The following RAB11FIP3 variants were observed in gnomAD, a reference collection of about 807,000 sequenced individuals.
RAB11FIP3 encodes RAB11 family interacting protein 3.
In RAB11FIP3, 17 loss-of-function variants were observed where a neutral mutation model predicts 77.8. The ratio of observed to expected loss-of-function variants is 0.22; its 90% CI spans 0.15 to 0.33. RAB11FIP3 has a LOEUF of 0.33. RAB11FIP3 is among the 10% of genes least tolerant of loss of function. The pLI is 1.00. For missense variants in RAB11FIP3, 1,005 were observed against 1,011.2 expected (o/e 0.99, Z 0.08); for synonymous variants, 437 against 448.2 (o/e 0.98, Z 0.31).
At position 507,635 on chromosome 16, in the gene RAB11FIP3, A is replaced by G. The variant is rs192019462; in HGVS notation, c.1499+2008A>G. Reference sequence around the variant, plus strand: ...TCCGTGTGTGTGGTGTGAAGTCCACACTGCCGCCTGGCACCACCCACTGAC... The same window carrying G: ...TCCGTGTGTGTGGTGTGAAGTCCACGCTGCCGCCTGGCACCACCCACTGAC... On this transcript the variant is annotated intron_variant, in intron 8 of 13. Coordinates refer to ENST00000262305, the MANE Select transcript of RAB11FIP3 (RefSeq NM_014700.4). The surrounding 1 kb of genome is among the most constrained non-coding windows in gnomAD (Gnocchi z 4.6). Among the ~76,000 whole-genome samples, 16 of 152,330 alleles carry G rather than the reference A, an allele frequency of 1.1e-4. 1 individual carries two copies. Among genetic ancestry groups the G allele is most frequent in the African/African-American group, 1.4e-4 (6 of 41,578 alleles).
chr16:512,007 C>CCAGG (rs2032201262), intron 9 of RAB11FIP3, among the ~76,000 whole-genome samples: 1 of 148,858 alleles, frequency 6.7e-6, no homozygotes, highest in South Asian at 2.1e-4. Flanking sequence ...AAACTGCAGG[C>CCAGG]CAGGCAGGAG....
At chr16:440,710 G>GA (rs1425038273) in intron 1 of RAB11FIP3, among the ~76,000 whole-genome samples, 4 of 152,258 alleles carry the variant, frequency 2.6e-5, no homozygotes, top group Admixed American at 2.6e-4. Flanking sequence ...GAAGACTTCT[G>GA]AAAATGCTGT....
At chr16:474,628 C>G (rs969538392) in intron 3 of RAB11FIP3, among the ~76,000 whole-genome samples, 2 of 152,112 alleles carry the variant, frequency 1.3e-5, no homozygotes, top group Non-Finnish European at 2.9e-5. Context: ...CGCTCTCTCC[C>G]GTCCTCCCTC....
At position 518,968 on chromosome 16, in the gene RAB11FIP3, A is replaced by G. The variant is rs2032543839; in HGVS notation, c.1666A>G (p.Ser556Gly). 2.5e-6 allele frequency: 4 copies of G among 1,613,738 alleles called. No homozygotes were observed. The highest frequency in any genetic ancestry group is 3.4e-6 in the Non-Finnish European group (4 of 1,180,004). Residue 556 changes from serine (S) to glycine (G), a missense_variant, in exon 10 of 14, where the codon AGT (serine) becomes GGT (glycine). Ser to Gly is a moderately conservative substitution (Grantham distance 56). Coordinates refer to ENST00000262305, the MANE Select transcript of RAB11FIP3 (RefSeq NM_014700.4). ...TRLQQLDEEN[S>G]ELRSCTPCLK... is the part of the protein sequence containing the mutation. The stretch of plus-strand genomic sequence containing the variant: ...GCTACAGCAACTGGACGAGGAGAAC[A>G]GTGAACTCCGGTCCTGCACGCCCTG...
chr16:438,477 C>G (rs1015181159), intron 1 of RAB11FIP3, among the ~76,000 whole-genome samples: 2 of 147,998 alleles, frequency 1.4e-5, no homozygotes, highest in African/African-American at 5.1e-5. Flanking sequence ...ACTATCTCAG[C>G]TCACTGCAAC....
At position 505,543 on chromosome 16, in the gene RAB11FIP3, G is replaced by A. The variant is rs777219325; in HGVS notation, c.1415G>A (p.Arg472His). 2.5e-6 allele frequency: 4 copies of A among 1,608,844 alleles called. No homozygotes were observed. Among genetic ancestry groups the A allele is most frequent in the East Asian group, 2.2e-5 (1 of 44,842 alleles). ...GCCAAGGTTGTCTTCCTGGAAAGGC[G>A]TGTGCTGGAGCTGGAAAAGGACACG... ...IADKVVFLER[R>H]VLELEKDTAA... The change falls in exon 8 of 14, where the codon CGT becomes CAT. Residue 472 changes from arginine (R) to histidine (H), a missense_variant. Physicochemically the swap from Arg to His is conservative, Grantham distance 29. This residue lies in a region of RAB11FIP3 where 433 missense variants were observed against 436.1 expected (regional missense o/e 0.99). Transcript: ENST00000262305. The surrounding 1 kb of genome is among the most constrained non-coding windows in gnomAD (Gnocchi z 4.0).
intron 1 of RAB11FIP3, among the ~76,000 whole-genome samples, chr16:434,944 G>A (rs963601447): frequency 1.3e-5 from 2 of 151,936 alleles, no homozygotes; most frequent in African/African-American, 4.8e-5. Context: ...GGTGGCTCAC[G>A]CCTGTAATCC....
Position 505,630 on chromosome 16 carries a change from G to A in RAB11FIP3, c.1499+3G>A. 1 of 1,590,766 alleles carries A rather than the reference G, an allele frequency of 6.3e-7. No individual in the cohort carries two copies. Among genetic ancestry groups the A allele is most frequent in the Non-Finnish European group, 8.5e-7 (1 of 1,175,342 alleles). ...GAGAACCTGCAGCTGGTGCACAGGT[G>A]AGCCTGGGCCAGGAGACCCGGGCCT... is the stretch of plus-strand genomic sequence containing the variant. On this transcript the variant is annotated splice_donor_region_variant and intron_variant, in intron 8 of 13. Coordinates refer to ENST00000262305, the MANE Select transcript of RAB11FIP3 (RefSeq NM_014700.4). The surrounding 1 kb of genome is among the most constrained non-coding windows in gnomAD (Gnocchi z 4.0).
chr16:488,711 C>CTTT (rs3079539), intron 4 of RAB11FIP3, 140 bp from the exon 5 acceptor site: 9,850 of 578,416 alleles, frequency 0.017, 3 homozygotes, highest in Middle Eastern at 0.022. Context: ...ATCCAGCCCA[C>CTTT]TTTTTTTTTT....
chr16:507,001 CTG>C lies in RAB11FIP3; in HGVS notation c.1499+1376_1499+1377del, dbSNP rs2141871929. On this transcript the variant is annotated intron_variant, in intron 8 of 13. Transcript: ENST00000262305. This position sits in a 1 kb window ranked among gnomAD's most constrained non-coding sequence, Gnocchi z 4.6. ...GTTTTTTGAGAGACAGGGCCTCGCT[CTG>C]TTGCTCAGGCTGAGTGCTGACTACA... 6.6e-6 allele frequency among the ~76,000 whole-genome samples: 1 copy of C among 152,218 alleles called. No individual in the cohort carries two copies. Among genetic ancestry groups the C allele is most frequent in the East Asian group, 1.9e-4 (1 of 5,186 alleles).
intron 2 of RAB11FIP3, among the ~76,000 whole-genome samples, chr16:469,445 A>C (rs1262634955): frequency 6.6e-6 from 1 of 151,358 alleles, no homozygotes; most frequent in Non-Finnish European, 1.5e-5. Context: ...CCCAGGTTGG[A>C]GTATAGTGGC....
At chr16:502,253 C>T (rs1188085975) in intron 6 of RAB11FIP3, among the ~76,000 whole-genome samples, 4 of 152,260 alleles carry the variant, frequency 2.6e-5, no homozygotes, top group Admixed American at 2.0e-4. Flanking sequence ...GCTTACTGCG[C>T]GCCTAAGTTC....
chr16:457,909 AC>A (rs1435075219), intron 1 of RAB11FIP3, among the ~76,000 whole-genome samples: 1 of 152,186 alleles, frequency 6.6e-6, no homozygotes, highest in African/African-American at 2.4e-5. Context: ...AGGAATGAGG[AC>A]TTTTGTGAGA....
intron 1 of RAB11FIP3, among the ~76,000 whole-genome samples, chr16:446,065 G>A (rs2055311981): frequency 1.3e-5 from 2 of 152,058 alleles, no homozygotes; most frequent in Admixed American, 1.3e-4. Context: ...TGGGAGCTTT[G>A]CATCCTGTCA....
chr16:477,845 G>A (rs958843176), intron 3 of RAB11FIP3, among the ~76,000 whole-genome samples: 4 of 152,202 alleles, frequency 2.6e-5, no homozygotes, highest in African/African-American at 9.7e-5. Context: ...AGAAGCAGCT[G>A]GCAGGGATTT....
At chr16:508,748 G>A (rs1024504500) in intron 8 of RAB11FIP3, among the ~76,000 whole-genome samples, 1 of 152,170 alleles carries the variant, frequency 6.6e-6, no homozygotes, top group Non-Finnish European at 1.5e-5. Context: ...TTCACCATGC[G>A]GCCTCTCCCT....
chr16:464,046 G>A (rs940312419), intron 2 of RAB11FIP3, among the ~76,000 whole-genome samples: 4 of 152,204 alleles, frequency 2.6e-5, no homozygotes, highest in African/African-American at 4.8e-5. Flanking sequence ...GAGGTGGGGC[G>A]AGGGGCCCAG....
chr16:492,507 C>CCAGGGCCCCCCCGGGAGACCCGAGGCCGT, intron 5 of RAB11FIP3, among the ~76,000 whole-genome samples: 1 of 56,312 alleles, frequency 1.8e-5, no homozygotes, highest in South Asian at 4.6e-4. Flanking sequence ...CCCGAGGCCG[C>CCAGGGCCCCCCCGGGAGACCCGAGGCCGT]CCAGGGCCCT....
At position 492,383 on chromosome 16, in the gene RAB11FIP3, C is replaced by CCGT. The variant is rs2030421162; in HGVS notation, c.1265+3384_1265+3385insGTC. ...GGTCTTCCCGGGAGACCCGAGGCCG[C>CCGT]CCAGAGCCCTCCCCGGGAGACCCGA... On this transcript the variant is annotated intron_variant, in intron 5 of 13. Transcript: ENST00000262305. 1.2e-3 allele frequency among the ~76,000 whole-genome samples: 120 copies of CCGT among 100,168 alleles called. 5 individuals carry two copies. Among genetic ancestry groups the CCGT allele is most frequent in the African/African-American group, 8.6e-3 (118 of 13,732 alleles). 65.7% of individuals were successfully genotyped at this position (100,168 alleles called of 152,430 possible). A position where few individuals can be genotyped will look rare whatever the true frequency, so the allele number is the denominator to read the frequency against.
Sources: gnomAD v4.1 joint callset for allele counts (sites outside exome capture counted in the v4.1 genomes callset) on GRCh38, gnomAD v4.1.1 for gene constraint, gnomAD v4.1.1 regional missense constraint, Gnocchi (gnomAD v3.1) non-coding constraint, MANE v1.5 for transcripts, NCBI Gene and HGNC (gene_info 2026-07-23, HGNC 2026-07-21) for gene names.